SLC39A9: variants seen among roughly 807,000 people sequenced by gnomAD.
SLC39A9 encodes solute carrier family 39 member 9.
SLC39A9 carries 14 observed loss-of-function variants against 28.4 expected under a neutral mutation model. The ratio of observed to expected loss-of-function variants is 0.49; its 90% CI spans 0.33 to 0.77. The LOEUF (loss-of-function observed/expected upper bound fraction) is 0.77, where lower values mean the gene tolerates loss of function less well. Among genes scored for constraint, SLC39A9 ranks in the 30% least tolerant of loss-of-function variants. The pLI is 0.02. For synonymous variants in SLC39A9, 119 were observed against 149.6 expected (o/e 0.80, Z 1.49); for missense variants, 283 against 381.1 (o/e 0.74, Z 2.14).
intron 2 of SLC39A9, among the ~76,000 whole-genome samples, chr14:69,429,727 T>C (rs142370269): frequency 6.5e-4 from 99 of 152,274 alleles, no homozygotes; most frequent in African/African-American, 2.2e-3. Flanking sequence ...TACTTGCAAG[T>C]AGGATTGCTG....
intron 2 of SLC39A9, 110 bp downstream of exon 2, chr14:69,424,312 T>C: frequency 1.3e-6 from 1 of 758,666 alleles, no homozygotes; most frequent in Non-Finnish European, 2.2e-6. Flanking sequence ...CATAGAGTTC[T>C]ACCCTGAGAA....
intron 2 of SLC39A9, among the ~76,000 whole-genome samples, chr14:69,431,971 A>T (rs942130329): frequency 6.6e-6 from 1 of 152,186 alleles, no homozygotes; most frequent in African/African-American, 2.4e-5. Flanking sequence ...TTGATGGGCA[A>T]CTAGGTTGAT....
Position 69,424,139 on chromosome 14 carries a change from G to T in SLC39A9, c.142G>T (p.Gly48Ter). ...TGTTTTGGGTGCTGGCCTTCTCTGT[G>T]GAACTGCTCTGGCAGTCATCGTGCC... ...VTVLGAGLLC[G>*]TALAVIVPEG... Residue 48 changes from glycine to a stop codon, truncating the protein, a stop_gained, in exon 2 of 7, where the codon GGA becomes TGA. Coordinates refer to ENST00000336643, the MANE Select transcript of SLC39A9 (RefSeq NM_018375.5). LOFTEE classifies it high-confidence loss of function. The T allele has an allele frequency of 1.2e-6, 2 of 1,613,914 alleles. No homozygotes were observed. Among genetic ancestry groups the T allele is most frequent in the Non-Finnish European group, 1.7e-6 (2 of 1,179,846 alleles).
chr14:69,447,738 CT>C (rs1377530378), intron 3 of SLC39A9, among the ~76,000 whole-genome samples: 1 of 151,764 alleles, frequency 6.6e-6, no homozygotes, highest in African/African-American at 2.4e-5. Context: ...ATGTCAAAAC[CT>C]TTTTTCTACA....
chr14:69,401,928 G>C (rs1882657518), intron 1 of SLC39A9, among the ~76,000 whole-genome samples: 2 of 152,110 alleles, frequency 1.3e-5, no homozygotes, highest in African/African-American at 4.8e-5. Context: ...CATTATTATG[G>C]ACCAATGTTG....
intron 6 of SLC39A9, among the ~76,000 whole-genome samples, chr14:69,457,305 C>T (rs924362681): frequency 2.6e-5 from 4 of 152,028 alleles, no homozygotes; most frequent in Admixed American, 6.6e-5. Context: ...CAGGTTCAGA[C>T]GATTCTCCTG....
chr14:69,411,791 T>A (rs1370232955), intron 1 of SLC39A9, among the ~76,000 whole-genome samples: 1 of 151,462 alleles, frequency 6.6e-6, no homozygotes, highest in East Asian at 2.0e-4. Context: ...ATTTTTTTTT[T>A]TTTTTTTTTG....
chr14:69,444,923 G>A (rs983441279), intron 3 of SLC39A9, among the ~76,000 whole-genome samples: 2 of 151,806 alleles, frequency 1.3e-5, no homozygotes, highest in Non-Finnish European at 2.9e-5. Context: ...AGCTATGATC[G>A]CATAACTGCA....
intron 1 of SLC39A9, among the ~76,000 whole-genome samples, chr14:69,422,085 G>A (rs897426060): frequency 2.6e-5 from 4 of 152,254 alleles, no homozygotes; most frequent in Middle Eastern, 3.4e-3. Context: ...TGTCTTCTGC[G>A]TCGATCACAC....
intron 1 of SLC39A9, among the ~76,000 whole-genome samples, chr14:69,415,174 G>A (rs936648536): frequency 5.9e-5 from 9 of 152,124 alleles, no homozygotes; most frequent in African/African-American, 2.2e-4. Flanking sequence ...ATGAAAAAGG[G>A]GAATGCTAGT....
chr14:69,438,290 G>A (rs1483342933), intron 2 of SLC39A9, among the ~76,000 whole-genome samples: 3 of 152,080 alleles, frequency 2.0e-5, no homozygotes, highest in Admixed American at 2.0e-4. Context: ...CAAAGTGCTG[G>A]GATTACAGGC....
At chr14:69,445,122 TAAG>T (rs2139432589) in intron 3 of SLC39A9, among the ~76,000 whole-genome samples, 1 of 151,622 alleles carries the variant, frequency 6.6e-6, no homozygotes, top group East Asian at 1.9e-4. Flanking sequence ...GAAGGGGAAA[TAAG>T]AAAAACATAC....
At position 69,461,779 on chromosome 14, in the gene SLC39A9, C is replaced by T. The variant is rs1045765474; in HGVS notation, c.*3186C>T. On this transcript the variant is annotated 3_prime_UTR_variant, in exon 7 of 7. Coordinates refer to ENST00000336643, the MANE Select transcript of SLC39A9 (RefSeq NM_018375.5). ...GTAGCTAGGGACTGAACACAGGAAC[C>T]GTATGACAGCAGCACAAACCCCCAA... 20 of 1,525,862 alleles carry T rather than the reference C, an allele frequency of 1.3e-5. No homozygotes were observed. Among genetic ancestry groups the T allele is most frequent in the African/African-American group, 6.9e-5 (5 of 72,742 alleles). The allele number at this position is 1,525,862 out of a possible 1,614,324, so 94.5% of individuals were successfully genotyped here. A position where few individuals can be genotyped will look rare whatever the true frequency, so the allele number is the denominator to read the frequency against.
intron 2 of SLC39A9, among the ~76,000 whole-genome samples, chr14:69,440,799 G>A (rs1347367894): frequency 1.3e-5 from 2 of 152,142 alleles, no homozygotes; most frequent in Non-Finnish European, 2.9e-5. Flanking sequence ...TCAGCCTCCT[G>A]AGTAGCTGGG....
chr14:69,460,240 A>G lies in SLC39A9; in HGVS notation c.*1647A>G. 6 of 985,876 alleles carry G rather than the reference A, an allele frequency of 6.1e-6. No individual in the cohort carries two copies. Among genetic ancestry groups the G allele is most frequent in the Non-Finnish European group, 7.2e-6 (6 of 829,932 alleles). The allele number at this position is 985,876 out of a possible 1,614,324, so 61.1% of individuals were successfully genotyped here. ...CTATGACGCATAAGCTAGCATGCCT[A>G]TGATTTATTTCCTTCATGAATTTGT... On this transcript the variant is annotated 3_prime_UTR_variant, in exon 7 of 7. Coordinates refer to ENST00000336643, the MANE Select transcript of SLC39A9 (RefSeq NM_018375.5).
At chr14:69,455,436 C>G (rs558348330) in intron 5 of SLC39A9, among the ~76,000 whole-genome samples, 12 of 152,198 alleles carry the variant, frequency 7.9e-5, no homozygotes, top group African/African-American at 2.9e-4. Flanking sequence ...AAGCGATTCT[C>G]CTGTCTCAGC....
chr14:69,426,239 C>T (rs1185012566), intron 2 of SLC39A9, among the ~76,000 whole-genome samples: 1 of 152,130 alleles, frequency 6.6e-6, no homozygotes, highest in South Asian at 2.1e-4. Flanking sequence ...CCCTCCTTCA[C>T]CCATCACCAG....
intron 1 of SLC39A9, among the ~76,000 whole-genome samples, chr14:69,411,737 C>A (rs559178015): frequency 6.6e-6 from 1 of 151,780 alleles, no homozygotes; most frequent in Non-Finnish European, 1.5e-5. Context: ...ACAATTCTAG[C>A]GCTTAAAATA....
At chr14:69,440,277 C>A (rs537833342) in intron 2 of SLC39A9, among the ~76,000 whole-genome samples, 38 of 152,158 alleles carry the variant, frequency 2.5e-4, no homozygotes, top group African/African-American at 8.7e-4. Context: ...CAGAGTGAGA[C>A]TCTGTCTCAA....
Sources: gnomAD v4.1 joint callset for allele counts (sites outside exome capture counted in the v4.1 genomes callset) on GRCh38, gnomAD v4.1.1 for gene constraint, MANE v1.5 for transcripts, NCBI Gene and HGNC (gene_info 2026-07-23, HGNC 2026-07-21) for gene names.